The following TIMM23 variants were observed in gnomAD, a reference collection of about 807,000 sequenced individuals.
The protein encoded by TIMM23 is translocase of inner mitochondrial membrane 23.
In TIMM23, 19 loss-of-function variants were observed where a neutral mutation model predicts 30.7. The observed-to-expected ratio is 0.62, with a 90% CI of 0.43 to 0.91. The LOEUF (loss-of-function observed/expected upper bound fraction) is 0.91, where lower values mean the gene tolerates loss of function less well. TIMM23 is among the 40% of genes least tolerant of loss of function. TIMM23 has a pLI of 0.00. For synonymous variants in TIMM23, 78 were observed against 98.5 expected (o/e 0.79, Z 1.23); for missense variants, 202 against 269.2 (o/e 0.75, Z 1.75).
chr10:45,989,446 T>C (rs1838092636), intron 6 of TIMM23, among the ~76,000 whole-genome samples: 1 of 152,242 alleles, frequency 6.6e-6, no homozygotes, highest in Non-Finnish European at 1.5e-5. Context: ...AATATGGATG[T>C]ACAAATATCT....
At chr10:45,999,787 G>A (rs1464831911) in intron 6 of TIMM23, among the ~76,000 whole-genome samples, 2 of 152,100 alleles carry the variant, frequency 1.3e-5, no homozygotes, top group African/African-American at 2.4e-5. Flanking sequence ...GCCTGGGAGC[G>A]CTATGGGAGA....
At chr10:45,990,380 C>T (rs1429695675) in intron 6 of TIMM23, among the ~76,000 whole-genome samples, 5 of 152,014 alleles carry the variant, frequency 3.3e-5, no homozygotes, top group Admixed American at 2.0e-4. Flanking sequence ...TCCTCAGCCT[C>T]CCAAGTGCTA....
intron 6 of TIMM23, among the ~76,000 whole-genome samples, chr10:45,997,480 A>T (rs1838379770): frequency 1.3e-5 from 2 of 152,184 alleles, no homozygotes; most frequent in African/African-American, 2.4e-5. Flanking sequence ...ATGGGCAGAG[A>T]GTTTCAGTTT....
intron 6 of TIMM23, among the ~76,000 whole-genome samples, chr10:46,000,084 C>A (rs959808817): frequency 6.6e-6 from 1 of 152,126 alleles, no homozygotes; most frequent in Non-Finnish European, 1.5e-5. Flanking sequence ...CATATTTGTT[C>A]AAACACACAT....
At chr10:46,001,659 C>T (rs919140458) in intron 6 of TIMM23, among the ~76,000 whole-genome samples, 1 of 152,170 alleles carries the variant, frequency 6.6e-6, no homozygotes, top group Admixed American at 6.5e-5. Flanking sequence ...CGCTCTACCT[C>T]TGTCTCCCTA....
At chr10:45,995,193 G>T (rs1838290918) in intron 6 of TIMM23, among the ~76,000 whole-genome samples, 1 of 151,922 alleles carries the variant, frequency 6.6e-6, no homozygotes, top group South Asian at 2.1e-4. Context: ...CATAATTTAT[G>T]TTGGAGGTGT....
rs782454138 is a variant in TIMM23 at position 45,972,749 on chromosome 10, T to C, written c.106+19T>C. The C allele has an allele frequency of 1.2e-6, 2 of 1,613,390 alleles. No individual in the cohort carries two copies. Among genetic ancestry groups the C allele is most frequent in the Non-Finnish European group, 1.7e-6 (2 of 1,179,626 alleles). On this transcript the variant is annotated intron_variant, in intron 1 of 6. Coordinates refer to ENST00000580018, the MANE Select transcript of TIMM23 (RefSeq NM_006327.4). ...GTCCCGCGTAAGTATGGGGCCTAGC[T>C]TGCGATTATTTCTGACTGGTTTTTG...
intron 4 of TIMM23, among the ~76,000 whole-genome samples, chr10:45,983,534 A>G (rs1182942398): frequency 2.6e-5 from 4 of 152,220 alleles, no homozygotes; most frequent in African/African-American, 9.7e-5. Flanking sequence ...AGAAGTAAAC[A>G]TGGCCAGTCC....
intron 6 of TIMM23, among the ~76,000 whole-genome samples, chr10:45,991,235 G>A (rs1189922170): frequency 2.0e-5 from 3 of 152,234 alleles, no homozygotes; most frequent in East Asian, 1.9e-4. Context: ...TGGGAAGATA[G>A]TTTAGGCTTA....
chr10:45,982,783 A>G, intron 3 of TIMM23, 63 bp from the exon 4 acceptor site: 1 of 1,611,442 alleles, frequency 6.2e-7, no homozygotes, highest in Non-Finnish European at 8.5e-7. Flanking sequence ...AGTTATGCAG[A>G]TTTGAGTTTG....
At chr10:45,976,526 G>A (rs1396809667) in intron 2 of TIMM23, among the ~76,000 whole-genome samples, 2 of 151,718 alleles carry the variant, frequency 1.3e-5, no homozygotes, top group Non-Finnish European at 2.9e-5. Context: ...CACGAGAATC[G>A]CTTGAACCCT....
chr10:45,975,677 C>T (rs1268374025), intron 2 of TIMM23, among the ~76,000 whole-genome samples, 165 bp downstream of exon 2: 1 of 152,166 alleles, frequency 6.6e-6, no homozygotes, highest in East Asian at 1.9e-4. Context: ...GCCTGCATCT[C>T]TCTGAAACCA....
Position 45,979,879 on chromosome 10 carries a change from C to A in TIMM23, c.166-2644C>A, listed in dbSNP as rs1277007517. On this transcript the variant is annotated intron_variant, in intron 2 of 6. Transcript: ENST00000580018. ...TTACTCAAAATTTCAAAACTAGCTG[C>A]ATGTATTTTGCTTTAATGTTGAATC... Among the ~76,000 whole-genome samples the A allele has an allele frequency of 7.2e-5, 11 of 151,826 alleles. No individual in the cohort carries two copies. The South Asian group carries it at 2.3e-3, about 32-fold the overall frequency.
intron 6 of TIMM23, among the ~76,000 whole-genome samples, chr10:46,000,749 C>T (rs979481328): frequency 2.0e-5 from 3 of 152,174 alleles, no homozygotes; most frequent in Non-Finnish European, 2.9e-5. Flanking sequence ...CTTCACAGTC[C>T]TGTGGATTAT....
At chr10:45,994,764 A>G (rs1424254984) in intron 6 of TIMM23, among the ~76,000 whole-genome samples, 2 of 150,606 alleles carry the variant, frequency 1.3e-5, no homozygotes, top group Non-Finnish European at 3.0e-5. Flanking sequence ...AAATTTCTGT[A>G]TTTAAAGAGT....
intron 2 of TIMM23, among the ~76,000 whole-genome samples, chr10:45,980,277 A>G (rs1175812604): frequency 1.3e-5 from 2 of 150,818 alleles, no homozygotes; most frequent in African/African-American, 2.4e-5. Context: ...TTCTTGTTTA[A>G]TAGTAGACAC....
intron 6 of TIMM23, among the ~76,000 whole-genome samples, chr10:45,991,932 C>G (rs1428841397): frequency 6.6e-6 from 1 of 151,472 alleles, no homozygotes; most frequent in East Asian, 1.9e-4. Context: ...CCTTACTTGT[C>G]TCTTCCAGGC....
Position 46,003,566 on chromosome 10 carries a change from C to T in TIMM23, c.*248C>T, listed in dbSNP as rs1466578885. 3.0e-6 allele frequency: 1 copy of T among 337,758 alleles called. No individual in the cohort carries two copies. The highest frequency in any genetic ancestry group is 2.1e-5 in the African/African-American group (1 of 46,920). 20.9% of individuals were successfully genotyped at this position (337,758 alleles called of 1,614,324 possible). A position where few individuals can be genotyped will look rare whatever the true frequency, so the allele number is the denominator to read the frequency against. On this transcript the variant is annotated 3_prime_UTR_variant, in exon 7 of 7. Transcript: ENST00000580018. ...GTTCTGTTCTCCTCTGGAGATCTTGCACGTATCTGTTTTCCTCCCCCATGA... is the reference window on the plus strand; with the variant it reads ...GTTCTGTTCTCCTCTGGAGATCTTGTACGTATCTGTTTTCCTCCCCCATGA...
intron 6 of TIMM23, among the ~76,000 whole-genome samples, chr10:46,002,068 C>G (rs782059724): frequency 7.9e-5 from 12 of 152,174 alleles, no homozygotes; most frequent in Non-Finnish European, 1.5e-4. Flanking sequence ...TTCTTTTCAA[C>G]TAGCATGATG....
Sources: allele counts gnomAD v4.1 joint callset (sites outside exome capture counted in the v4.1 genomes callset), GRCh38; gene constraint gnomAD v4.1.1; transcripts MANE v1.5; gene names NCBI Gene and HGNC (gene_info 2026-07-23, HGNC 2026-07-21).